TDRP: variants seen among roughly 807,000 people sequenced by gnomAD.
TDRP encodes the protein testis development related protein, also known as testis development-related protein.
Under a neutral mutation model 10.5 loss-of-function variants are expected in TDRP, and 12 were observed. The ratio of observed to expected loss-of-function variants is 1.15; its 90% CI spans 0.73 to 1.86. The LOEUF (loss-of-function observed/expected upper bound fraction) is 1.86. Among genes scored for constraint, TDRP ranks in the 40% most tolerant of loss-of-function variants. The pLI is 0.00. For missense variants in TDRP, 353 were observed against 229.2 expected (o/e 1.54, Z -3.49); for synonymous variants, 139 against 95.4 (o/e 1.46, Z -2.67).
intron 1 of TDRP, among the ~76,000 whole-genome samples, chr8:522,179 CT>C (rs1246601409): frequency 2.0e-5 from 3 of 152,222 alleles, no homozygotes; most frequent in Non-Finnish European, 4.4e-5. Context: ...GCTACTATGT[CT>C]CCCTTCAATC....
In TDRP at chr8:503,198, C is replaced by A. The variant is rs189035690; in HGVS notation, c.109-8601G>T. Among the ~76,000 whole-genome samples, 25 of 151,906 alleles carry A rather than the reference C, an allele frequency of 1.6e-4. No homozygotes were observed. The East Asian group carries it at 4.3e-3, about 26-fold the overall frequency. On this transcript the variant is annotated intron_variant, in intron 1 of 2. Coordinates refer to ENST00000324079, the MANE Select transcript of TDRP (RefSeq NM_001384899.1). ...ATGCCCACCTCAACACGCACCAACA[C>A]AGAATCCACAGCCACACACTGGAAG...
chr8:537,882 GAGTA>G lies in TDRP; in HGVS notation c.108+6764_108+6767del, dbSNP rs1259085716. Reference sequence around the variant, plus strand: ...GTTTTACCTACTTGGTTATATAAAAGAGTAAGACTTCTTTCATCTTCACAATCTG... The same window carrying G: ...GTTTTACCTACTTGGTTATATAAAAGAGACTTCTTTCATCTTCACAATCTG... On this transcript the variant is annotated intron_variant, in intron 1 of 2. Coordinates refer to ENST00000324079, the MANE Select transcript of TDRP (RefSeq NM_001384899.1). Among the ~76,000 whole-genome samples, 6 of 152,268 alleles carry G rather than the reference GAGTA, an allele frequency of 3.9e-5. No individual in the cohort carries two copies. The East Asian group carries it at 7.7e-4, about 20-fold the overall frequency.
At chr8:543,068 G>A (rs776138618) in intron 1 of TDRP, among the ~76,000 whole-genome samples, 1 of 152,164 alleles carries the variant, frequency 6.6e-6, no homozygotes, top group South Asian at 2.1e-4. Context: ...AGTACCTTGG[G>A]AGGCTGAGGC....
intron 1 of TDRP, among the ~76,000 whole-genome samples, chr8:496,432 C>A (rs543033763): frequency 6.6e-6 from 1 of 152,224 alleles, no homozygotes; most frequent in East Asian, 1.9e-4. Flanking sequence ...CCACCTACCA[C>A]GTCCCTCACT....
At chr8:495,956 G>C (rs1267169960) in intron 1 of TDRP, among the ~76,000 whole-genome samples, 2 of 152,202 alleles carry the variant, frequency 1.3e-5, no homozygotes, top group South Asian at 2.1e-4. Flanking sequence ...GCAGAGGTCT[G>C]CATCTGTAGA....
intron 1 of TDRP, among the ~76,000 whole-genome samples, chr8:534,813 TAATG>T (rs1361067585): frequency 6.6e-6 from 1 of 152,152 alleles, no homozygotes; most frequent in African/African-American, 2.4e-5. Context: ...AATCCACAAA[TAATG>T]AATATGAACT....
intron 1 of TDRP, among the ~76,000 whole-genome samples, chr8:507,898 A>C (rs1584861321): frequency 6.6e-6 from 1 of 152,222 alleles, no homozygotes; most frequent in East Asian, 1.9e-4. Context: ...TTTCACCTGT[A>C]CTATTTAACT....
At chr8:510,771 CA>C (rs1208581202) in intron 1 of TDRP, among the ~76,000 whole-genome samples, 1 of 152,182 alleles carries the variant, frequency 6.6e-6, no homozygotes, top group African/African-American at 2.4e-5. Context: ...CTCCATACAG[CA>C]ACTCATATCC....
intron 1 of TDRP, among the ~76,000 whole-genome samples, chr8:525,901 G>C (rs865854458): frequency 6.6e-6 from 1 of 152,138 alleles, no homozygotes; most frequent in Non-Finnish European, 1.5e-5. Context: ...TTAAATGTTA[G>C]GTGGAATTCA....
chr8:508,094 G>C (rs1801512981), intron 1 of TDRP, among the ~76,000 whole-genome samples: 1 of 152,012 alleles, frequency 6.6e-6, no homozygotes, highest in South Asian at 2.1e-4. Flanking sequence ...CAAAGCTAAA[G>C]GAAAGTATGA....
intron 1 of TDRP, among the ~76,000 whole-genome samples, chr8:528,988 T>G (rs761540613): frequency 6.6e-6 from 1 of 152,122 alleles, no homozygotes; most frequent in Non-Finnish European, 1.5e-5. Flanking sequence ...AGTCTGATGT[T>G]TGAGGGCAGG....
chr8:500,935 G>C (rs181645355), intron 1 of TDRP, among the ~76,000 whole-genome samples: 15 of 152,178 alleles, frequency 9.9e-5, no homozygotes, highest in Non-Finnish European at 1.8e-4. Flanking sequence ...GGCCGGGCGC[G>C]GTGTCTCACA....
intron 1 of TDRP, among the ~76,000 whole-genome samples, chr8:527,711 G>C (rs528543828): frequency 1.3e-5 from 2 of 152,216 alleles, no homozygotes; most frequent in African/African-American, 2.4e-5. Context: ...ACATGCAGAA[G>C]AATGAAACTA....
At chr8:533,541 C>G (rs953225366) in intron 1 of TDRP, among the ~76,000 whole-genome samples, 2 of 152,214 alleles carry the variant, frequency 1.3e-5, no homozygotes, top group South Asian at 2.1e-4. Flanking sequence ...TCACAGCTGA[C>G]CTCCCTGACT....
intron 1 of TDRP, among the ~76,000 whole-genome samples, chr8:496,240 T>A (rs191511987): frequency 6.0e-4 from 92 of 152,290 alleles, no homozygotes; most frequent in African/African-American, 2.1e-3. Context: ...TTTGGCACAC[T>A]TGTATGCACA....
At chr8:503,403 C>T (rs1253139662) in intron 1 of TDRP, among the ~76,000 whole-genome samples, 4 of 147,840 alleles carry the variant, frequency 2.7e-5, no homozygotes, top group South Asian at 2.2e-4. Flanking sequence ...CCTCTGCACG[C>T]GTCAACACGG....
chr8:501,010 T>C (rs545324457), intron 1 of TDRP, among the ~76,000 whole-genome samples: 12 of 152,148 alleles, frequency 7.9e-5, no homozygotes, highest in African/African-American at 2.6e-4. Flanking sequence ...ATCGAGACCA[T>C]CCTGGCTAAC....
chr8:501,500 C>A (rs1433980884), intron 1 of TDRP, among the ~76,000 whole-genome samples: 1 of 151,896 alleles, frequency 6.6e-6, no homozygotes, highest in Non-Finnish European at 1.5e-5. Context: ...GCGATGGCCA[C>A]CACACCCAGC....
rs573948674 is a variant in TDRP, at chr8:494,989, T to C, written c.109-392A>G. On this transcript the variant is annotated intron_variant, in intron 1 of 2. Coordinates refer to ENST00000324079, the MANE Select transcript of TDRP (RefSeq NM_001384899.1). ...GCGCATACCTGAAATCCCAGCACTT[T>C]AGGAAGCCAAGGCAGGAGGATTACT... 239 of 159,472 alleles carry C rather than the reference T, an allele frequency of 1.5e-3. 1 individual carries two copies. Among genetic ancestry groups the C allele is most frequent in the Middle Eastern group, 3.2e-3 (1 of 316 alleles). The allele number at this position is 159,472 out of a possible 1,614,324, so 9.9% of individuals were successfully genotyped here. A position where few individuals can be genotyped will look rare whatever the true frequency, so the allele number is the denominator to read the frequency against.
Sources: allele counts gnomAD v4.1 joint callset (sites outside exome capture counted in the v4.1 genomes callset), GRCh38; gene constraint gnomAD v4.1.1; transcripts MANE v1.5; gene names NCBI Gene and HGNC (gene_info 2026-07-23, HGNC 2026-07-21).